Variants in CACNB2 observed in about 807,000 individuals in gnomAD.
CACNB2 encodes the protein calcium voltage-gated channel auxiliary subunit beta 2.
In CACNB2, 42 loss-of-function variants were observed where a neutral mutation model predicts 73.3. That is an observed-to-expected ratio of 0.57 (90% CI 0.45 to 0.74). The LOEUF (loss-of-function observed/expected upper bound fraction) is 0.74. Ranked by LOEUF, CACNB2 falls within the 30% of genes least tolerant of loss-of-function variation. The probability of loss-of-function intolerance (pLI) is 0.00; values close to 1 mark genes in which losing one functional copy is unlikely to be tolerated. For missense variants in CACNB2, 940 were observed against 853.0 expected (o/e 1.10, Z -1.27); for synonymous variants, 348 against 310.3 (o/e 1.12, Z -1.28).
At chr10:18,197,341 G>A (rs1430532901) in intron 2 of CACNB2, among the ~76,000 whole-genome samples, 1 of 152,144 alleles carries the variant, frequency 6.6e-6, no homozygotes, top group Non-Finnish European at 1.5e-5. Context: ...AGTTATATCA[G>A]CTAGAATGTT....
Position 18,249,224 on chromosome 10 carries a change from G to A in CACNB2, c.213+98249G>A, listed in dbSNP as rs149744394. On this transcript the variant is annotated intron_variant, in intron 2 of 13. Coordinates refer to ENST00000324631, the MANE Select transcript of CACNB2 (RefSeq NM_201596.3). The stretch of plus-strand genomic sequence containing the variant: ...CCCAAATCTTCTGCTTCCTTCCTGC[G>A]ACAGTGGGTGAACCAACTAAGAGTC... 8.5e-5 allele frequency among the ~76,000 whole-genome samples: 13 copies of A among 152,098 alleles called. No homozygotes were observed. In the East Asian group the frequency reaches 1.7e-3, roughly 20 times the overall value.
At chr10:18,295,070 T>C (rs944314881) in intron 2 of CACNB2, among the ~76,000 whole-genome samples, 14 of 152,332 alleles carry the variant, frequency 9.2e-5, no homozygotes, top group African/African-American at 3.4e-4. Flanking sequence ...TTTACCGATA[T>C]TGAGGCAGTT....
chr10:18,248,190 A>C (rs1397927494), intron 2 of CACNB2, among the ~76,000 whole-genome samples: 1 of 152,260 alleles, frequency 6.6e-6, no homozygotes, highest in Non-Finnish European at 1.5e-5. Flanking sequence ...CCACTTTTCC[A>C]AGCTAATTGA....
chr10:18,215,618 C>G (rs769576104), intron 2 of CACNB2, among the ~76,000 whole-genome samples: 21 of 152,186 alleles, frequency 1.4e-4, no homozygotes, highest in Non-Finnish European at 2.8e-4. Context: ...TATGGCTATG[C>G]ATGTTCTGTC....
At chr10:18,220,865 C>T (rs1310478606) in intron 2 of CACNB2, among the ~76,000 whole-genome samples, 1 of 152,200 alleles carries the variant, frequency 6.6e-6, no homozygotes, top group South Asian at 2.1e-4. Context: ...TCCCTACAAT[C>T]CCCCCTAGTC....
chr10:18,497,339 C>G (rs753831380), intron 3 of CACNB2, among the ~76,000 whole-genome samples: 12 of 152,008 alleles, frequency 7.9e-5, no homozygotes, highest in Non-Finnish European at 1.8e-4. Context: ...CTGAGCTTAC[C>G]TGTTTCTTTC....
At chr10:18,365,398 C>T (rs932918538) in intron 2 of CACNB2, among the ~76,000 whole-genome samples, 9 of 152,116 alleles carry the variant, frequency 5.9e-5, no homozygotes, top group South Asian at 2.1e-4. Context: ...TATTTGGTGA[C>T]GGCCAATTAT....
intron 2 of CACNB2, among the ~76,000 whole-genome samples, chr10:18,288,718 A>G (rs1287772331): frequency 3.7e-5 from 3 of 81,756 alleles, no homozygotes; most frequent in South Asian, 8.5e-4. Flanking sequence ...GATACCCAGT[A>G]GATGCAGAAT....
chr10:18,288,676 T>TATACACACACACACACAC (rs1554785394), intron 2 of CACNB2, among the ~76,000 whole-genome samples: 20 of 144,312 alleles, frequency 1.4e-4, no homozygotes, highest in African/African-American at 4.7e-4. Context: ...ATGAGATTTA[T>TATACACACACACACACAC]ACACACACAC....
chr10:18,450,501 C>T (rs537885003), intron 3 of CACNB2, among the ~76,000 whole-genome samples: 25 of 151,994 alleles, frequency 1.6e-4, no homozygotes, highest in Admixed American at 1.4e-3. Flanking sequence ...AGATGTGGGC[C>T]GTAAGGAATC....
chr10:18,343,777 A>G (rs577110844), intron 2 of CACNB2, among the ~76,000 whole-genome samples: 2 of 152,292 alleles, frequency 1.3e-5, no homozygotes, highest in South Asian at 4.1e-4. Context: ...GTGACTTCTA[A>G]TTGGAGACCT....
At chr10:18,242,897 C>A (rs1381061833) in intron 2 of CACNB2, among the ~76,000 whole-genome samples, 1 of 149,792 alleles carries the variant, frequency 6.7e-6, no homozygotes, top group African/African-American at 2.5e-5. Context: ...GTAGTCCCAG[C>A]TATTCGGGAG....
intron 3 of CACNB2, among the ~76,000 whole-genome samples, chr10:18,427,708 A>G (rs1209702870): frequency 6.6e-6 from 1 of 152,118 alleles, no homozygotes. Flanking sequence ...TTTGGGCATT[A>G]TAGCTTCCTA....
At chr10:18,160,558 C>G (rs1345584023) in intron 2 of CACNB2, among the ~76,000 whole-genome samples, 2 of 152,058 alleles carry the variant, frequency 1.3e-5, no homozygotes, top group Non-Finnish European at 2.9e-5. Flanking sequence ...TATAAAGTAA[C>G]TAGCATAACT....
chr10:18,250,863 C>A (rs1034165759), intron 2 of CACNB2, among the ~76,000 whole-genome samples: 1 of 152,234 alleles, frequency 6.6e-6, no homozygotes, highest in African/African-American at 2.4e-5. Context: ...TGCACCAAAG[C>A]TACCTACATC....
chr10:18,145,582 C>T (rs2030881625), intron 1 of CACNB2, among the ~76,000 whole-genome samples: 1 of 152,064 alleles, frequency 6.6e-6, no homozygotes, highest in Non-Finnish European at 1.5e-5. Context: ...ACTCAATTTA[C>T]CTGTTGCTGT....
At chr10:18,226,434 A>G (rs1588759773) in intron 2 of CACNB2, among the ~76,000 whole-genome samples, 1 of 152,140 alleles carries the variant, frequency 6.6e-6, no homozygotes, top group East Asian at 1.9e-4. Context: ...TGAGTTAACT[A>G]TTCCTTTTCC....
rs374580108 is a variant in CACNB2 at position 18,465,934 on chromosome 10, G to A, written c.334-32421G>A. 4.6e-5 allele frequency among the ~76,000 whole-genome samples: 7 copies of A among 152,314 alleles called. No individual in the cohort carries two copies. In the East Asian group the frequency reaches 7.7e-4, roughly 17 times the overall value. ...GACCTCAAGTGATCTGCCTGCCTCA[G>A]CCTCCCAAAGTGCTGGGATTACAGG... On this transcript the variant is annotated intron_variant, in intron 3 of 13. Transcript: ENST00000324631.
At chr10:18,479,307 G>C (rs7069147) in intron 3 of CACNB2, among the ~76,000 whole-genome samples, 6,861 of 152,040 alleles carry the variant, frequency 0.045, 248 homozygotes, top group African/African-American at 0.1. Context: ...TAAATGCAAA[G>C]AGCCAGAAAA....
Sources: gnomAD v4.1 joint callset for allele counts (sites outside exome capture counted in the v4.1 genomes callset) on GRCh38, gnomAD v4.1.1 for gene constraint, MANE v1.5 for transcripts, NCBI Gene and HGNC (gene_info 2026-07-23, HGNC 2026-07-21) for gene names.